Variants in NDUFA12 observed in about 807,000 individuals in gnomAD.
NDUFA12 encodes the protein NADH:ubiquinone oxidoreductase subunit A12.
In NDUFA12, 17 loss-of-function variants were observed where a neutral mutation model predicts 20.3. That is an observed-to-expected ratio of 0.84 (90% CI 0.57 to 1.26). The LOEUF (loss-of-function observed/expected upper bound fraction) is 1.26. NDUFA12 is among the 50% of genes most tolerant of loss of function. NDUFA12 has a pLI of 0.00. For synonymous variants in NDUFA12, 72 were observed against 63.6 expected (o/e 1.13, Z -0.63); for missense variants, 191 against 183.7 (o/e 1.04, Z -0.23).
intron 3 of NDUFA12, among the ~76,000 whole-genome samples, chr12:94,974,181 A>G (rs770808143): frequency 8.6e-5 from 13 of 152,004 alleles, no homozygotes; most frequent in Non-Finnish European, 1.6e-4. Flanking sequence ...CATGTTGTCC[A>G]GGCTGGTCTC....
intron 1 of NDUFA12, among the ~76,000 whole-genome samples, chr12:95,003,115 C>A (rs1476423053): frequency 1.3e-5 from 2 of 152,196 alleles, no homozygotes; most frequent in Non-Finnish European, 2.9e-5. Context: ...AGTATTTCAT[C>A]TTCTTACAAT....
intron 3 of NDUFA12, among the ~76,000 whole-genome samples, chr12:94,988,143 A>G (rs1450383377): frequency 6.6e-6 from 1 of 152,172 alleles, no homozygotes; most frequent in African/African-American, 2.4e-5. Flanking sequence ...TGAGGGCTCC[A>G]CATCACGGAA....
chr12:94,985,248 C>T (rs1192657790), intron 3 of NDUFA12, among the ~76,000 whole-genome samples: 1 of 151,822 alleles, frequency 6.6e-6, no homozygotes, highest in Non-Finnish European at 1.5e-5. Context: ...TTGCTTGAGC[C>T]CAGGAGGTCA....
At chr12:94,977,067 G>A (rs7298241) in intron 3 of NDUFA12, among the ~76,000 whole-genome samples, 83,259 of 152,084 alleles carry the variant, frequency 0.55, 23,347 homozygotes, top group African/African-American at 0.67. Context: ...AATGCAGTTT[G>A]TAGTTTCTTA....
At chr12:94,977,779 C>T (rs1421952432) in intron 3 of NDUFA12, among the ~76,000 whole-genome samples, 2 of 152,022 alleles carry the variant, frequency 1.3e-5, no homozygotes, top group Non-Finnish European at 2.9e-5. Context: ...ACTGTTCCAA[C>T]ATGGTATTTG....
chr12:94,982,848 A>C (rs1874288813), intron 3 of NDUFA12, among the ~76,000 whole-genome samples: 1 of 152,156 alleles, frequency 6.6e-6, no homozygotes, highest in African/African-American at 2.4e-5. Context: ...CTGTTAAAAC[A>C]ATTTTATCTG....
chr12:94,975,779 T>G (rs1461386976), intron 3 of NDUFA12, among the ~76,000 whole-genome samples: 1 of 152,206 alleles, frequency 6.6e-6, no homozygotes, highest in Non-Finnish European at 1.5e-5. Flanking sequence ...CCAGGTATGG[T>G]GCCTCACACC....
At chr12:94,996,363 TG>T (rs1874833459) in intron 2 of NDUFA12, among the ~76,000 whole-genome samples, 1 of 105,626 alleles carries the variant, frequency 9.5e-6, no homozygotes, top group South Asian at 3.1e-4. Context: ...ACACACGAGA[TG>T]GGGGTCTCTA....
At position 94,971,505 on chromosome 12, in the gene NDUFA12, C is replaced by T. The variant is rs1188075015; in HGVS notation, c.373G>A (p.Val125Ile). The T allele has an allele frequency of 1.9e-6, 3 of 1,614,158 alleles. No homozygotes were observed. The South Asian group carries it at 3.3e-5, about 18-fold the overall frequency. ...FNVTGTPEQY[V>I]PYSTTRKKIQ... Reference sequence around the variant, plus strand: ...TTCTTTCTAGTGGTAGAATAAGGTACATATTGTTCTGGGGTGCCAGTCACG... The same window carrying T: ...TTCTTTCTAGTGGTAGAATAAGGTATATATTGTTCTGGGGTGCCAGTCACG... The change falls in exon 4 of 4, where the codon GTA becomes ATA. Residue 125 changes from valine (V) to isoleucine (I), a missense_variant. Physicochemically the swap from Val to Ile is conservative, Grantham distance 29. Coordinates refer to ENST00000327772, the MANE Select transcript of NDUFA12 (RefSeq NM_018838.5).
intron 3 of NDUFA12, among the ~76,000 whole-genome samples, chr12:94,993,198 A>G (rs1197128827): frequency 1.3e-5 from 2 of 151,904 alleles, no homozygotes; most frequent in African/African-American, 4.8e-5. Flanking sequence ...AACTAAAAAA[A>G]TAAATAAAAG....
intron 3 of NDUFA12, among the ~76,000 whole-genome samples, chr12:94,980,295 C>A (rs1874194341): frequency 6.6e-6 from 1 of 152,126 alleles, no homozygotes; most frequent in African/African-American, 2.4e-5. Flanking sequence ...TACCAACCCG[C>A]CCTTCTACAA....
At chr12:94,982,939 T>C (rs1434675809) in intron 3 of NDUFA12, among the ~76,000 whole-genome samples, 6 of 152,176 alleles carry the variant, frequency 3.9e-5, no homozygotes, top group Admixed American at 3.9e-4. Context: ...AGTTGAATAC[T>C]ACACTAGATA....
At chr12:94,997,119 TTG>T in intron 2 of NDUFA12, 1 of 254,916 alleles carries the variant, frequency 3.9e-6, no homozygotes, top group Non-Finnish European at 7.7e-6. Flanking sequence ...GGCGGGAGGA[TTG>T]CTTGAGCTCA....
rs1370824534 is a variant in NDUFA12 at position 95,003,590 on chromosome 12, C to T, written c.86+5G>A. On this transcript the variant is annotated splice_donor_5th_base_variant and intron_variant, in intron 1 of 3. Transcript: ENST00000327772. ...GAGGCCAAGAGCATGGCTCTGGCCG[C>T]CTACCTGAAAAAAACCCGTAGATAG... 2.5e-6 allele frequency: 4 copies of T among 1,614,026 alleles called. No individual in the cohort carries two copies. The Admixed American group carries it at 5.0e-5, about 20-fold the overall frequency.
In NDUFA12 at chr12:94,993,054, G is replaced by A. The variant is rs190936060; in HGVS notation, c.257+1116C>T. Among the ~76,000 whole-genome samples the A allele has an allele frequency of 3.3e-3, 498 of 152,284 alleles. 1 individual carries two copies. The highest frequency in any genetic ancestry group is 5.0e-3 in the Non-Finnish European group (340 of 68,030). On this transcript the variant is annotated intron_variant, in intron 3 of 3. Coordinates refer to ENST00000327772, the MANE Select transcript of NDUFA12 (RefSeq NM_018838.5). ...ATATTTTTGTAATGAAATAAATATT[G>A]CCAAGTTAAATAAAATAAAATGAAC...
At chr12:94,979,235 C>T (rs971499592) in intron 3 of NDUFA12, among the ~76,000 whole-genome samples, 1 of 152,036 alleles carries the variant, frequency 6.6e-6, no homozygotes, top group African/African-American at 2.4e-5. Context: ...CAAGACCCCA[C>T]CTCTAAAACA....
chr12:94,992,195 A>G (rs4923674), intron 3 of NDUFA12, among the ~76,000 whole-genome samples: 61,730 of 152,092 alleles, frequency 0.41, 13,137 homozygotes, highest in East Asian at 0.58. Context: ...TGAAACAGAT[A>G]TAAGTACTTT....
At chr12:94,975,312 C>G (rs1022364156) in intron 3 of NDUFA12, among the ~76,000 whole-genome samples, 3 of 151,846 alleles carry the variant, frequency 2.0e-5, no homozygotes, top group Non-Finnish European at 4.4e-5. Context: ...GAAAACTGGA[C>G]AAAAAACATC....
chr12:94,984,988 T>TTAACA (rs200120735), intron 3 of NDUFA12, among the ~76,000 whole-genome samples: 3 of 10,602 alleles, frequency 2.8e-4, no homozygotes, highest in African/African-American at 1.5e-3. Context: ...AAAATTAAAA[T>TTAACA]TAACATAACA....
Sources: allele counts gnomAD v4.1 joint callset (sites outside exome capture counted in the v4.1 genomes callset), GRCh38; gene constraint gnomAD v4.1.1; transcripts MANE v1.5; gene names NCBI Gene and HGNC (gene_info 2026-07-23, HGNC 2026-07-21).